The following EYS variants were observed in gnomAD, a reference collection of about 807,000 sequenced individuals.
EYS encodes the protein EGF-like photoreceptor maintenance factor.
In EYS, 250 loss-of-function variants were observed where a neutral mutation model predicts 282.1. That is an observed-to-expected ratio of 0.89 (90% CI 0.80 to 0.98). The LOEUF (loss-of-function observed/expected upper bound fraction) is 0.98. Ranked by LOEUF, EYS falls within the 50% of genes least tolerant of loss-of-function variation. The pLI is 0.00. For synonymous variants in EYS, 1,355 were observed against 1,282.9 expected, an observed-to-expected ratio of 1.06 and a Z score of -1.20; for missense variants, 4,016 against 3,709.0, an observed-to-expected ratio of 1.08 and a Z score of -2.15.
At chr6:65,389,366 T>A (rs1157450242) in intron 7 of EYS, among the ~76,000 whole-genome samples, 1 of 152,216 alleles carries the variant, frequency 6.6e-6, no homozygotes, top group Admixed American at 6.6e-5. Flanking sequence ...AGGCCAAGGA[T>A]TTTGCAATAG....
chr6:63,854,915 A>G (rs2149705269), intron 36 of EYS, among the ~76,000 whole-genome samples: 1 of 152,278 alleles, frequency 6.6e-6, no homozygotes, highest in Admixed American at 6.5e-5. Context: ...TATAATGTAG[A>G]CCTCATGAAA....
intron 14 of EYS, among the ~76,000 whole-genome samples, chr6:64,980,774 C>G (rs1342795996): frequency 6.6e-6 from 1 of 151,220 alleles, no homozygotes; most frequent in Non-Finnish European, 1.5e-5. Context: ...GATTTCTCAC[C>G]AGGCCTAAGA....
Position 63,864,300 on chromosome 6 carries a change from A to G in EYS, c.7114T>C (p.Phe2372Leu), listed in dbSNP as rs1255688743. 3 of 1,551,508 alleles carry G rather than the reference A, an allele frequency of 1.9e-6. No homozygotes were observed. Among genetic ancestry groups the G allele is most frequent in the East Asian group, 4.9e-5 (2 of 40,918 alleles). Residue 2372 changes from phenylalanine to leucine, a missense_variant, in exon 36 of 43, where the codon TTT becomes CTT. Physicochemically the swap from Phe to Leu is conservative, Grantham distance 22. Transcript: ENST00000503581. ...CATGGGTTGTTTTCACAACTTGCAA[A>G]CTGGCACAGCTTGCCTGAATACAGC... ...PRLYSGKLCQFASCENNPCGN... is the reference protein window; with the variant it reads ...PRLYSGKLCQLASCENNPCGN...
At chr6:64,615,118 ACT>A (rs34249080) in intron 24 of EYS, among the ~76,000 whole-genome samples, 2,165 of 152,154 alleles carry the variant, frequency 0.014, 29 homozygotes, top group Non-Finnish European at 0.019. Flanking sequence ...CATTATGGAC[ACT>A]GTTTTCATGT....
intron 12 of EYS, among the ~76,000 whole-genome samples, chr6:65,159,879 G>A (rs565684249): frequency 2.0e-5 from 3 of 151,100 alleles, no homozygotes; most frequent in African/African-American, 4.8e-5. Flanking sequence ...AGAGAGAAGA[G>A]AGGGATGTAA....
At chr6:64,072,300 G>A (rs1329406692) in intron 32 of EYS, among the ~76,000 whole-genome samples, 3 of 151,680 alleles carry the variant, frequency 2.0e-5, no homozygotes, top group Non-Finnish European at 4.4e-5. Flanking sequence ...ACTGTACAAT[G>A]AGCAAATTAG....
At chr6:64,612,456 C>T (rs925440063) in intron 24 of EYS, among the ~76,000 whole-genome samples, 3 of 152,026 alleles carry the variant, frequency 2.0e-5, no homozygotes, top group Non-Finnish European at 4.4e-5. Context: ...AAGTTTAGGA[C>T]ATTCAAAAAT....
At chr6:64,453,819 G>A (rs1006581597) in intron 26 of EYS, among the ~76,000 whole-genome samples, 21 of 152,176 alleles carry the variant, frequency 1.4e-4, no homozygotes, top group Non-Finnish European at 2.1e-4. Context: ...AGAACACATG[G>A]ACACAGGAAG....
intron 2 of EYS, among the ~76,000 whole-genome samples, chr6:65,636,080 G>T (rs1390296034): frequency 1.3e-5 from 2 of 152,162 alleles, no homozygotes; most frequent in South Asian, 4.1e-4. Flanking sequence ...TATGCAGCGG[G>T]CAGGAAGAAC....
At chr6:63,723,536 G>T (rs1012101383) in intron 42 of EYS, among the ~76,000 whole-genome samples, 4 of 151,972 alleles carry the variant, frequency 2.6e-5, no homozygotes, top group African/African-American at 7.2e-5. Flanking sequence ...TCTAAGAAAT[G>T]ATTAGGAAAG....
intron 24 of EYS, among the ~76,000 whole-genome samples, chr6:64,615,213 A>G (rs934472371): frequency 1.3e-5 from 2 of 152,044 alleles, no homozygotes; most frequent in Non-Finnish European, 2.9e-5. Context: ...TAACTGCTTT[A>G]TTCTTAAGAC....
intron 22 of EYS, among the ~76,000 whole-genome samples, chr6:64,782,575 A>G (rs931691372): frequency 2.6e-5 from 4 of 152,176 alleles, no homozygotes; most frequent in African/African-American, 9.6e-5. Context: ...TGCATTCCAC[A>G]TTAAAAAACT....
intron 22 of EYS, among the ~76,000 whole-genome samples, chr6:64,793,248 A>G (rs1774245926): frequency 6.6e-6 from 1 of 152,156 alleles, no homozygotes; most frequent in Admixed American, 6.5e-5. Context: ...ATTAATTCCA[A>G]TTGTAGCTAG....
intron 12 of EYS, among the ~76,000 whole-genome samples, chr6:65,249,243 A>G (rs1298712168): frequency 6.6e-6 from 1 of 151,978 alleles, no homozygotes; most frequent in Admixed American, 6.6e-5. Flanking sequence ...CAAAAGCTCA[A>G]AATCACAACA....
intron 2 of EYS, among the ~76,000 whole-genome samples, chr6:65,596,131 C>A (rs1374568596): frequency 6.6e-6 from 1 of 151,966 alleles, no homozygotes; most frequent in Non-Finnish European, 1.5e-5. Context: ...CTGTCAGTCC[C>A]TTTGACAAGT....
At chr6:64,478,173 G>A (rs1416695800) in intron 26 of EYS, among the ~76,000 whole-genome samples, 2 of 151,872 alleles carry the variant, frequency 1.3e-5, no homozygotes, top group African/African-American at 4.8e-5. Context: ...ATTAAAAAAG[G>A]TGTTTAAGTG....
chr6:65,697,323 T>G (rs1415648756), intron 1 of EYS, among the ~76,000 whole-genome samples: 2 of 152,122 alleles, frequency 1.3e-5, no homozygotes. Context: ...AAGTGCATAT[T>G]CACATCAAAG....
At chr6:64,252,782 C>G (rs191823927) in intron 30 of EYS, among the ~76,000 whole-genome samples, 2 of 152,278 alleles carry the variant, frequency 1.3e-5, no homozygotes, top group Admixed American at 1.3e-4. Flanking sequence ...TTAGACAAGT[C>G]GTATATATTT....
At position 63,798,999 on chromosome 6, in the gene EYS, A is replaced by G. The variant is rs867879390; in HGVS notation, c.7411+7191T>C. On this transcript the variant is annotated intron_variant, in intron 37 of 42. Transcript: ENST00000503581. The stretch of plus-strand genomic sequence containing the variant: ...TATGTATATGTGTGTATATATATAT[A>G]TATATATATATATATATATATAATT... 3.9e-3 allele frequency among the ~76,000 whole-genome samples: 510 copies of G among 132,280 alleles called. 4 individuals are homozygous for G. Among genetic ancestry groups the G allele is most frequent in the Admixed American group, 6.1e-3 (82 of 13,494 alleles). 86.8% of individuals were successfully genotyped at this position (132,280 alleles called of 152,430 possible).
Sources: allele counts gnomAD v4.1 joint callset (sites outside exome capture counted in the v4.1 genomes callset), GRCh38; gene constraint gnomAD v4.1.1; transcripts MANE v1.5; gene names NCBI Gene and HGNC (gene_info 2026-07-23, HGNC 2026-07-21).